The following MFN1 variants were observed in gnomAD, a reference collection of about 807,000 sequenced individuals.
MFN1 encodes the protein mitofusin 1, also known as mitofusin-1.
Under a neutral mutation model 92.4 loss-of-function variants are expected in MFN1, and 65 were observed. That is an observed-to-expected ratio of 0.70 (90% CI 0.58 to 0.86). MFN1 has a LOEUF of 0.86. Among genes scored for constraint, MFN1 ranks in the 40% least tolerant of loss-of-function variants. MFN1 has a pLI of 0.00. For synonymous variants in MFN1, 297 were observed against 300.9 expected (o/e 0.99, Z 0.13); for missense variants, 781 against 868.0 (o/e 0.90, Z 1.26).
intron 14 of MFN1, 69 bp downstream of exon 14, chr3:179,378,883 A>G: frequency 8.3e-7 from 1 of 1,199,530 alleles, no homozygotes; most frequent in East Asian, 2.4e-5. Flanking sequence ...TTTCTATAAT[A>G]AAACTAGCTT....
intron 17 of MFN1, among the ~76,000 whole-genome samples, chr3:179,391,553 G>A (rs552449430): frequency 3.9e-5 from 6 of 152,190 alleles, no homozygotes; most frequent in South Asian, 2.1e-4. Flanking sequence ...GACCCTCCCC[G>A]TCCATAATGG....
intron 2 of MFN1, among the ~76,000 whole-genome samples, chr3:179,349,593 C>G (rs976785676): frequency 1.3e-5 from 2 of 151,686 alleles, no homozygotes; most frequent in African/African-American, 4.8e-5. Context: ...ACTGCAGCCT[C>G]CACTTCCTGG....
chr3:179,351,144 A>G (rs1373576303), intron 2 of MFN1, among the ~76,000 whole-genome samples: 3 of 152,230 alleles, frequency 2.0e-5, no homozygotes, highest in African/African-American at 7.2e-5. Context: ...GGTGATAAGA[A>G]TGTAAACATC....
chr3:179,348,207 T>C lies in MFN1; in HGVS notation c.-8+397T>C, dbSNP rs554507540. The C allele has an allele frequency of 2.6e-5, 4 of 152,520 alleles. No homozygotes were observed. In the East Asian group the frequency reaches 7.7e-4, roughly 29 times the overall value. 9.4% of individuals were successfully genotyped at this position (152,520 alleles called of 1,614,324 possible). ...CCTTCGCGCGGTCATTTCTTGACTC[T>C]CTGGAAGAATCCGCCTTCTTTATGG... is the stretch of plus-strand genomic sequence containing the variant. On this transcript the variant is annotated intron_variant, in intron 1 of 17. Transcript: ENST00000471841.
intron 14 of MFN1, among the ~76,000 whole-genome samples, chr3:179,385,212 C>T (rs1259010597): frequency 6.7e-5 from 7 of 104,474 alleles, no homozygotes; most frequent in Middle Eastern, 4.1e-3. Context: ...CGCGCCCGGC[C>T]GAAGTCCTTT....
chr3:179,358,440 A>G (rs555599866), intron 3 of MFN1, among the ~76,000 whole-genome samples: 40 of 152,324 alleles, frequency 2.6e-4, no homozygotes, highest in African/African-American at 9.1e-4. Flanking sequence ...GGCGTGAGCC[A>G]CTGCGCCTGG....
Position 179,385,512 on chromosome 3 carries a change from G to A in MFN1, c.1663-57G>A, listed in dbSNP as rs1286362595. ...TACTATAATTTTAGAGTTTTATAAAGATAACTTTATAGTTGTTTAAGTGTA... is the reference window on the plus strand; with the variant it reads ...TACTATAATTTTAGAGTTTTATAAAAATAACTTTATAGTTGTTTAAGTGTA... On this transcript the variant is annotated intron_variant, in intron 14 of 17. Coordinates refer to ENST00000471841, the MANE Select transcript of MFN1 (RefSeq NM_033540.3). 6 of 1,486,678 alleles carry A rather than the reference G, an allele frequency of 4.0e-6. No individual in the cohort carries two copies. In the East Asian group the frequency reaches 1.2e-4, roughly 29 times the overall value. 92.1% of individuals were successfully genotyped at this position (1,486,678 alleles called of 1,614,324 possible). A position where few individuals can be genotyped will look rare whatever the true frequency, so the allele number is the denominator to read the frequency against.
chr3:179,348,772 C>T, intron 1 of MFN1, 73 bp from the exon 2 acceptor site: 1 of 1,553,182 alleles, frequency 6.4e-7, no homozygotes, highest in Non-Finnish European at 8.8e-7. Context: ...TGATGAATGT[C>T]ACTGGTGTGT....
At chr3:179,351,507 T>G (rs1272746975) in intron 2 of MFN1, among the ~76,000 whole-genome samples, 1 of 152,206 alleles carries the variant, frequency 6.6e-6, no homozygotes, top group Non-Finnish European at 1.5e-5. Flanking sequence ...GGGGCTCCTA[T>G]TCAAACCTCA....
intron 5 of MFN1, 80 bp from the exon 6 acceptor site, chr3:179,364,217 T>C (rs1346733105): frequency 3.4e-6 from 3 of 881,300 alleles, no homozygotes; most frequent in Non-Finnish European, 4.9e-6. Context: ...CTTCAAATTA[T>C]ATATAAAAGC....
intron 4 of MFN1, among the ~76,000 whole-genome samples, 196 bp downstream of exon 4, chr3:179,359,198 G>A (rs112569252): frequency 9.9e-5 from 15 of 151,774 alleles, no homozygotes; most frequent in African/African-American, 3.1e-4. Flanking sequence ...TCGGCTCACC[G>A]CAACCTCTGC....
intron 5 of MFN1, 77 bp downstream of exon 5, chr3:179,362,559 T>TA (rs1259525109): frequency 2.3e-6 from 3 of 1,313,248 alleles, no homozygotes; most frequent in African/African-American, 3.0e-5. Flanking sequence ...GCATATGGTA[T>TA]AAAAAATTAC....
intron 17 of MFN1, among the ~76,000 whole-genome samples, chr3:179,390,858 T>C (rs1035495485): frequency 5.9e-5 from 9 of 152,184 alleles, no homozygotes; most frequent in Non-Finnish European, 1.2e-4. Flanking sequence ...TGTTTACAAA[T>C]TGGAGGGACT....
In MFN1 at chr3:179,350,181, A is replaced by G. The variant is rs549765711; in HGVS notation, c.112+1218A>G. ...AAAAAAAAAGATTATGCACCTCTCA[A>G]CTATACAATGGAAAGGGAGGGATTC... On this transcript the variant is annotated intron_variant, in intron 2 of 17. Transcript: ENST00000471841. Among the ~76,000 whole-genome samples the G allele has an allele frequency of 3.0e-3, 453 of 152,194 alleles. 5 individuals are homozygous for G. The highest frequency in any genetic ancestry group is 0.011 in the African/African-American group (443 of 41,512).
At chr3:179,377,667 C>T (rs567940407) in intron 12 of MFN1, among the ~76,000 whole-genome samples, 1 of 152,316 alleles carries the variant, frequency 6.6e-6, no homozygotes, top group East Asian at 1.9e-4. Context: ...GGCACAGTGG[C>T]TCATGCCTGT....
chr3:179,374,053 A>G (rs1713125208), intron 9 of MFN1, among the ~76,000 whole-genome samples: 1 of 151,722 alleles, frequency 6.6e-6, no homozygotes, highest in Admixed American at 6.5e-5. Context: ...TTGTAATCCT[A>G]GCACTTTGTG....
intron 3 of MFN1, among the ~76,000 whole-genome samples, chr3:179,356,637 TG>T (rs1712354024): frequency 6.6e-6 from 1 of 152,164 alleles, no homozygotes; most frequent in Non-Finnish European, 1.5e-5. Context: ...TTTCCACAGT[TG>T]TTTTTTTTGT....
chr3:179,385,165 G>A (rs1351225614), intron 14 of MFN1, among the ~76,000 whole-genome samples: 1 of 150,904 alleles, frequency 6.6e-6, no homozygotes, highest in African/African-American at 2.4e-5. Context: ...CATCCACCTC[G>A]GCCTCCCAAA....
chr3:179,372,714 G>C (rs894023850), intron 9 of MFN1, among the ~76,000 whole-genome samples: 1 of 151,978 alleles, frequency 6.6e-6, no homozygotes, highest in Non-Finnish European at 1.5e-5. Context: ...TTTCTGTCTC[G>C]TCTAGCTCTA....
Sources: allele counts gnomAD v4.1 joint callset (sites outside exome capture counted in the v4.1 genomes callset), GRCh38; gene constraint gnomAD v4.1.1; transcripts MANE v1.5; gene names NCBI Gene and HGNC (gene_info 2026-07-23, HGNC 2026-07-21).